The following ZNF362 variants were observed in gnomAD, a reference collection of about 807,000 sequenced individuals.
The protein encoded by ZNF362 is zinc finger protein 362.
Under a neutral mutation model 42.9 loss-of-function variants are expected in ZNF362, and 11 were observed. The ratio of observed to expected loss-of-function variants is 0.26; its 90% CI spans 0.16 to 0.42. ZNF362 has a LOEUF of 0.42. Ranked by LOEUF, ZNF362 falls within the 20% of genes least tolerant of loss-of-function variation. The pLI, the probability that ZNF362 is intolerant of heterozygous loss-of-function variation, is 1.00. For synonymous variants in ZNF362, 255 were observed against 257.3 expected (o/e 0.99, Z 0.09); for missense variants, 362 against 576.2 (o/e 0.63, Z 3.81).
chr1:33,188,355 A>G, the ZNF362 span, among the ~76,000 whole-genome samples: 1 of 152,298 alleles, frequency 6.6e-6, no homozygotes, highest in East Asian at 1.9e-4. Context: ...CCTGGTTGGT[A>G]TGGTAAATAG....
the ZNF362 span, among the ~76,000 whole-genome samples, chr1:33,228,333 T>G: frequency 1.3e-5 from 2 of 152,196 alleles, no homozygotes; most frequent in Non-Finnish European, 2.9e-5. Flanking sequence ...TATCTGGTAC[T>G]CAGGCTTTCA....
the ZNF362 span, among the ~76,000 whole-genome samples, chr1:33,214,520 CT>C: frequency 6.6e-6 from 1 of 152,166 alleles, no homozygotes; most frequent in Non-Finnish European, 1.5e-5. Flanking sequence ...TAAAAATCTT[CT>C]GCACAGCAAA....
chr1:33,220,048 G>A, the ZNF362 span, among the ~76,000 whole-genome samples: 1 of 152,196 alleles, frequency 6.6e-6, no homozygotes, highest in African/African-American at 2.4e-5. Flanking sequence ...ACTATGGCCT[G>A]GGGGTGGATG....
chr1:33,241,147 C>A, the ZNF362 span, among the ~76,000 whole-genome samples: 1 of 150,224 alleles, frequency 6.7e-6, no homozygotes, highest in South Asian at 2.1e-4. Flanking sequence ...TAAGGTGAAT[C>A]TGACACAAAA....
chr1:33,200,059 A>C, the ZNF362 span: 2 of 153,122 alleles, frequency 1.3e-5, no homozygotes, highest in African/African-American at 4.8e-5. Flanking sequence ...AAACAAAAAA[A>C]CCAGTAAAAT....
chr1:33,205,560 A>T, the ZNF362 span, among the ~76,000 whole-genome samples: 1 of 152,194 alleles, frequency 6.6e-6, no homozygotes, highest in Admixed American at 6.5e-5. Flanking sequence ...TGAAGGACTT[A>T]TTTGACTTTA....
At chr1:33,270,280 G>A (rs1445411382) in intron 1 of ZNF362, among the ~76,000 whole-genome samples, 1 of 151,972 alleles carries the variant, frequency 6.6e-6, no homozygotes, top group Non-Finnish European at 1.5e-5. Context: ...GCCAGTGCTG[G>A]GCATCCTAAC....
At chr1:33,181,607 G>T in the ZNF362 span, 16 of 1,242,668 alleles carry the variant, frequency 1.3e-5, no homozygotes, top group Admixed American at 4.9e-4. The surrounding 1 kb of genome is among the most constrained non-coding windows in gnomAD (Gnocchi z 6.5). Context: ...ACGCGAGGAA[G>T]GGGTGCGCGG....
chr1:33,257,768 T>G (rs1645803849), intron 1 of ZNF362, among the ~76,000 whole-genome samples: 1 of 152,186 alleles, frequency 6.6e-6, no homozygotes, highest in Non-Finnish European at 1.5e-5. Flanking sequence ...CCCACCACCC[T>G]GCCCTCGAGC....
At chr1:33,274,714 A>G (rs962316728) in intron 2 of ZNF362, among the ~76,000 whole-genome samples, 3 of 152,228 alleles carry the variant, frequency 2.0e-5, no homozygotes, top group African/African-American at 7.2e-5. Context: ...TCCAAAGACT[A>G]GGGTTTGCAA....
At chr1:33,230,768 C>G in the ZNF362 span, among the ~76,000 whole-genome samples, 1 of 152,210 alleles carries the variant, frequency 6.6e-6, no homozygotes, top group Non-Finnish European at 1.5e-5. Context: ...CTTTGTTTAT[C>G]CAAACAATGG....
the ZNF362 span, chr1:33,182,086 CCCGCCCCCGTGGGCGGGACCCAAGCAACT>C: frequency 6.6e-6 from 1 of 152,130 alleles, no homozygotes; most frequent in Non-Finnish European, 1.5e-5. Flanking sequence ...CGGCTGCCTC[CCCGCCCCCGTGGGCGGGACCCAAGCAACT>C]CCGCCCCCGC....
chr1:33,224,546 A>G, the ZNF362 span, among the ~76,000 whole-genome samples: 1 of 152,234 alleles, frequency 6.6e-6, no homozygotes, highest in Non-Finnish European at 1.5e-5. Context: ...TATAAGAGAT[A>G]ACAATGTAAG....
At chr1:33,264,961 T>C (rs1183366413) in intron 1 of ZNF362, among the ~76,000 whole-genome samples, 1 of 152,018 alleles carries the variant, frequency 6.6e-6, no homozygotes, top group Non-Finnish European at 1.5e-5. Context: ...TCTGAATATA[T>C]GTTATATTTC....
At chr1:33,147,720 G>A in the ZNF362 span, 38 of 1,609,550 alleles carry the variant, frequency 2.4e-5, no homozygotes, top group African/African-American at 4.0e-5. The surrounding 1 kb of genome is among the most constrained non-coding windows in gnomAD (Gnocchi z 8.1). Flanking sequence ...GGGTTAGGGC[G>A]GCTGGCACTG....
chr1:33,299,286 C>T lies in ZNF362; in HGVS notation c.*240C>T. 1 of 400,310 alleles carries T rather than the reference C, an allele frequency of 2.5e-6. No individual in the cohort carries two copies. The highest frequency in any genetic ancestry group is 4.5e-6 in the Non-Finnish European group (1 of 223,372). 24.8% of individuals were successfully genotyped at this position (400,310 alleles called of 1,614,324 possible). A position where few individuals can be genotyped will look rare whatever the true frequency, so the allele number is the denominator to read the frequency against. ...AAGACGATCTCAGAGCACTTTGAAC[C>T]TCTCTGTTGAGTTTTCTTTTTGTTC... is the stretch of plus-strand genomic sequence containing the variant. On this transcript the variant is annotated 3_prime_UTR_variant, in exon 9 of 9. Transcript: ENST00000539719.
intron 6 of ZNF362, among the ~76,000 whole-genome samples, chr1:33,293,322 C>T (rs142881592): frequency 6.6e-5 from 10 of 152,192 alleles, no homozygotes; most frequent in East Asian, 3.9e-4. Flanking sequence ...CTGACCAGGA[C>T]GTAGGGTGCG....
chr1:33,145,710 A>C, the ZNF362 span: 1 of 363,198 alleles, frequency 2.8e-6, no homozygotes, highest in Non-Finnish European at 5.6e-6. Context: ...CTTGCAGCCC[A>C]CTCCTCCAGT....
chr1:33,207,099 C>T, the ZNF362 span, among the ~76,000 whole-genome samples: 2 of 151,638 alleles, frequency 1.3e-5, no homozygotes, highest in Admixed American at 6.6e-5. Flanking sequence ...ATCCCTCCCC[C>T]AGCCCCCCAC....
Sources: allele counts gnomAD v4.1 joint callset (sites outside exome capture counted in the v4.1 genomes callset), GRCh38; gene constraint gnomAD v4.1.1; non-coding constraint Gnocchi (gnomAD v3.1); transcripts MANE v1.5; gene names NCBI Gene and HGNC (gene_info 2026-07-23, HGNC 2026-07-21).